The following LCLAT1 variants were observed in gnomAD, a reference collection of about 807,000 sequenced individuals.
LCLAT1 encodes the protein lysocardiolipin acyltransferase 1.
A neutral mutation model predicts 30.7 loss-of-function variants in LCLAT1; 11 were observed. The observed-to-expected ratio is 0.36, with a 90% CI of 0.23 to 0.59. LCLAT1 has a LOEUF of 0.59. Among genes scored for constraint, LCLAT1 ranks in the 20% least tolerant of loss-of-function variants. The pLI is 0.77. For missense variants in LCLAT1, 402 were observed against 458.6 expected (o/e 0.88, Z 1.13); for synonymous variants, 155 against 151.3 (o/e 1.02, Z -0.18).
intron 5 of LCLAT1, among the ~76,000 whole-genome samples, chr2:30,581,183 T>C (rs191705979): frequency 1.6e-3 from 239 of 152,316 alleles, no homozygotes; most frequent in African/African-American, 5.4e-3. Context: ...GTCTGGGCTC[T>C]TGCCTCTACT....
At chr2:30,600,964 T>C (rs1667153469) in intron 5 of LCLAT1, among the ~76,000 whole-genome samples, 1 of 151,136 alleles carries the variant, frequency 6.6e-6, no homozygotes, top group African/African-American at 2.4e-5. Flanking sequence ...CCATAGTTCT[T>C]GGAGGTTTTG....
At chr2:30,625,459 T>A (rs1025348152) in intron 5 of LCLAT1, among the ~76,000 whole-genome samples, 2 of 152,164 alleles carry the variant, frequency 1.3e-5, no homozygotes, top group South Asian at 2.1e-4. Context: ...CCAGAGACCT[T>A]CTACTCTCTA....
chr2:30,608,344 G>A (rs1487175219), intron 5 of LCLAT1, among the ~76,000 whole-genome samples: 1 of 151,558 alleles, frequency 6.6e-6, no homozygotes, highest in East Asian at 1.9e-4. Flanking sequence ...AAAAGTTACA[G>A]TAAGCTAAGG....
At chr2:30,457,188 A>G (rs974430467) in intron 1 of LCLAT1, among the ~76,000 whole-genome samples, 3 of 152,218 alleles carry the variant, frequency 2.0e-5, no homozygotes, top group African/African-American at 4.8e-5. Context: ...TGGTAGAGAA[A>G]AATTTATCTT....
At chr2:30,601,839 T>A (rs1667198645) in intron 5 of LCLAT1, among the ~76,000 whole-genome samples, 1 of 151,196 alleles carries the variant, frequency 6.6e-6, no homozygotes, top group African/African-American at 2.4e-5. Context: ...TAGATATATT[T>A]ATCTACAACA....
chr2:30,622,751 G>T (rs1384982970), intron 5 of LCLAT1, among the ~76,000 whole-genome samples: 1 of 152,176 alleles, frequency 6.6e-6, no homozygotes, highest in African/African-American at 2.4e-5. Context: ...TCTAGGGGAA[G>T]GGGGAGAGCA....
intron 2 of LCLAT1, 120 bp downstream of exon 2, chr2:30,525,875 C>T (rs1190665243): frequency 1.4e-6 from 1 of 736,358 alleles, no homozygotes; most frequent in Non-Finnish European, 2.3e-6. Context: ...TAGGCACATC[C>T]TTCTGTATGC....
intron 3 of LCLAT1, among the ~76,000 whole-genome samples, chr2:30,558,101 A>C (rs956111045): frequency 2.0e-5 from 3 of 152,208 alleles, no homozygotes; most frequent in African/African-American, 7.2e-5. Flanking sequence ...GAGATTCCTT[A>C]AGCGGGACAC....
intron 1 of LCLAT1, among the ~76,000 whole-genome samples, chr2:30,483,402 A>G (rs1020853123): frequency 2.6e-5 from 4 of 152,342 alleles, no homozygotes; most frequent in Admixed American, 2.6e-4. Flanking sequence ...TTTTATAACC[A>G]TCTTTAGAAA....
chr2:30,525,650 A>T lies in LCLAT1; in HGVS notation c.60A>T (p.Gly20=). The change falls in exon 2 of 6, where the codon GGA becomes GGT. Residue 20 remains glycine (G), a synonymous_variant. Coordinates refer to ENST00000379509, the MANE Select transcript of LCLAT1 (RefSeq NM_001002257.3). The stretch of plus-strand genomic sequence containing the variant: ...CTCTGTTTTGGGGAAGCTTTTTTGG[A>T]AGCATTTTCATGCTGAGTCCCTTTT... ...ILTLFWGSFF[G]SIFMLSPFLP... 1 of 1,613,898 alleles carries T rather than the reference A, an allele frequency of 6.2e-7. No individual in the cohort carries two copies. Among genetic ancestry groups the T allele is most frequent in the Non-Finnish European group, 8.5e-7 (1 of 1,179,812 alleles).
chr2:30,637,371 A>G (rs1669084139), intron 5 of LCLAT1, among the ~76,000 whole-genome samples: 1 of 152,018 alleles, frequency 6.6e-6, no homozygotes, highest in Admixed American at 6.5e-5. Flanking sequence ...ACATATTAAC[A>G]TCTTAAGGAA....
chr2:30,601,242 C>T (rs1334553596), intron 5 of LCLAT1, among the ~76,000 whole-genome samples: 3 of 152,114 alleles, frequency 2.0e-5, no homozygotes, highest in Non-Finnish European at 4.4e-5. Context: ...ACTCCTTTAA[C>T]TCAGTGAAGT....
At chr2:30,493,519 A>G (rs562598649) in intron 1 of LCLAT1, among the ~76,000 whole-genome samples, 16 of 152,328 alleles carry the variant, frequency 1.1e-4, no homozygotes, top group African/African-American at 3.4e-4. Context: ...TCATGCTGTT[A>G]AAGAAGTGCA....
chr2:30,548,745 C>G (rs1226009043), intron 3 of LCLAT1, among the ~76,000 whole-genome samples: 1 of 152,096 alleles, frequency 6.6e-6, no homozygotes, highest in Non-Finnish European at 1.5e-5. Flanking sequence ...AAAAACTTTA[C>G]AAGGCAATTT....
chr2:30,557,283 C>CGTGTGTGTGTGTGTGTGT (rs373793652), intron 3 of LCLAT1, among the ~76,000 whole-genome samples: 89 of 138,646 alleles, frequency 6.4e-4, no homozygotes, highest in African/African-American at 2.4e-3. Flanking sequence ...AAGGTATGAT[C>CGTGTGTGTGTGTGTGTGT]GTGTGTGTGT....
intron 3 of LCLAT1, among the ~76,000 whole-genome samples, chr2:30,535,355 A>G (rs1686192560): frequency 6.6e-6 from 1 of 152,216 alleles, no homozygotes; most frequent in Non-Finnish European, 1.5e-5. Flanking sequence ...GATTAAGAGT[A>G]GAATGACATG....
chr2:30,582,607 T>C (rs74261471), intron 5 of LCLAT1, among the ~76,000 whole-genome samples: 5,359 of 152,354 alleles, frequency 0.035, 123 homozygotes, highest in Middle Eastern at 0.071. Flanking sequence ...TGCCATAATG[T>C]ATCATAAGCC....
intron 2 of LCLAT1, among the ~76,000 whole-genome samples, chr2:30,528,293 A>G (rs1368534719): frequency 6.6e-6 from 1 of 152,220 alleles, no homozygotes; most frequent in Non-Finnish European, 1.5e-5. Flanking sequence ...TTATAGGACA[A>G]GTTACCAAAC....
chr2:30,449,992 C>G (rs1662945), intron 1 of LCLAT1, among the ~76,000 whole-genome samples: 14,459 of 152,146 alleles, frequency 0.095, 735 homozygotes, highest in East Asian at 0.12. Flanking sequence ...GTAAAAGTGG[C>G]TAGGACATTT....
Sources: gnomAD v4.1 joint callset for allele counts (sites outside exome capture counted in the v4.1 genomes callset) on GRCh38, gnomAD v4.1.1 for gene constraint, MANE v1.5 for transcripts, NCBI Gene and HGNC (gene_info 2026-07-23, HGNC 2026-07-21) for gene names.